Variants in CDC25A observed in about 807,000 individuals in gnomAD.
CDC25A encodes the protein cell division cycle 25A.
CDC25A carries 17 observed loss-of-function variants against 64.6 expected under a neutral mutation model. That is an observed-to-expected ratio of 0.26 (90% CI 0.18 to 0.39). CDC25A has a LOEUF of 0.39. Among genes scored for constraint, CDC25A ranks in the 10% least tolerant of loss-of-function variants. The probability of loss-of-function intolerance (pLI) is 1.00; values close to 1 mark genes in which losing one functional copy is unlikely to be tolerated. For missense variants in CDC25A, 473 were observed against 654.8 expected (o/e 0.72, Z 3.03); for synonymous variants, 229 against 238.6 (o/e 0.96, Z 0.37).
chr3:48,159,042 T>C lies in CDC25A; in HGVS notation c.1478A>G (p.Asp493Gly), dbSNP rs764271295. Residue 493 changes from aspartate (D) to glycine (G), a missense_variant, in exon 15 of 15, where the codon GAC becomes GGC. Around this residue, in one of 2 missense-constraint regions of CDC25A, gnomAD observed 97 missense variants for 223.0 expected, o/e 0.43. Coordinates refer to ENST00000302506, the MANE Select transcript of CDC25A (RefSeq NM_001789.3). ...GAACTTCTTCAGGTCTTCTTTAAAGTCCTCGTGGTGCATGGGCCGGTAGCT... is the reference window on the plus strand; with the variant it reads ...GAACTTCTTCAGGTCTTCTTTAAAGCCCTCGTGGTGCATGGGCCGGTAGCT... ...PPSYRPMHHE[D>G]FKEDLKKFRT... The C allele has an allele frequency of 6.2e-7, 1 of 1,613,894 alleles. No homozygotes were observed. The highest frequency in any genetic ancestry group is 8.5e-7 in the Non-Finnish European group (1 of 1,179,984).
At chr3:48,168,096 A>G (rs2032106603) in intron 9 of CDC25A, 152 bp from the exon 10 acceptor site, 2 of 543,640 alleles carry the variant, frequency 3.7e-6, no homozygotes, top group East Asian at 5.9e-5. Context: ...GGAGTGAACA[A>G]AAACAGATGT....
chr3:48,166,176 G>A (rs2032009322), intron 10 of CDC25A, among the ~76,000 whole-genome samples: 1 of 149,620 alleles, frequency 6.7e-6, no homozygotes, highest in Non-Finnish European at 1.5e-5. Flanking sequence ...CCAGCTACTC[G>A]GAAGGCTGGA....
At position 48,165,880 on chromosome 3, in the gene CDC25A, T is replaced by C; in HGVS notation, c.1043A>G (p.His348Arg). Residue 348 changes from histidine to arginine, a missense_variant, in exon 11 of 15, where the codon CAT becomes CGT. Transcript: ENST00000302506. Reference protein sequence around the residue: ...IGDFSKGYLFHTVAGKHQDLK... With the variant: ...IGDFSKGYLFRTVAGKHQDLK... ...ATCCTGATGTTTCCCAGCAACTGTA[T>C]GAAAGAGATAACCCTTAAAAAGAAA... 6.3e-7 allele frequency: 1 copy of C among 1,598,124 alleles called. No individual in the cohort carries two copies. Among genetic ancestry groups the C allele is most frequent in the African/African-American group, 1.3e-5 (1 of 74,736 alleles).
At chr3:48,169,850 A>C (rs1208266717) in intron 9 of CDC25A, among the ~76,000 whole-genome samples, 1 of 151,972 alleles carries the variant, frequency 6.6e-6, no homozygotes, top group East Asian at 1.9e-4. Flanking sequence ...TCTACTAAAA[A>C]TATAAAAAAT....
At chr3:48,172,282 A>G (rs1459156999) in intron 9 of CDC25A, among the ~76,000 whole-genome samples, 2 of 152,270 alleles carry the variant, frequency 1.3e-5, no homozygotes, top group African/African-American at 4.8e-5. Context: ...AAAGCATTAA[A>G]AACAAAAGCA....
intron 8 of CDC25A, among the ~76,000 whole-genome samples, chr3:48,177,010 T>C (rs929618595): frequency 2.6e-5 from 4 of 151,704 alleles, no homozygotes; most frequent in Admixed American, 2.6e-4. Flanking sequence ...AAAAAAATCC[T>C]GTGAGTTACT....
At chr3:48,178,946 G>A (rs1044318968) in intron 6 of CDC25A, among the ~76,000 whole-genome samples, 8 of 152,006 alleles carry the variant, frequency 5.3e-5, no homozygotes, top group African/African-American at 1.5e-4. Context: ...ACAGTAGCAG[G>A]GTAGTCCCAA....
chr3:48,181,497 T>TC (rs1243928442), intron 5 of CDC25A: 2 of 930,212 alleles, frequency 2.2e-6, no homozygotes, highest in Non-Finnish European at 3.5e-6. Context: ...GTGGCTGAGT[T>TC]CCCCGTTGCC....
At chr3:48,170,019 A>C (rs906964781) in intron 9 of CDC25A, among the ~76,000 whole-genome samples, 8 of 151,790 alleles carry the variant, frequency 5.3e-5, no homozygotes, top group African/African-American at 1.2e-4. Flanking sequence ...AAAAAAAAAA[A>C]CAAACAAAAA....
At chr3:48,166,036 G>A (rs747554332) in intron 10 of CDC25A, 143 bp from the exon 11 acceptor site, 100 of 649,144 alleles carry the variant, frequency 1.5e-4, no homozygotes, top group Non-Finnish European at 1.6e-4. Flanking sequence ...TGTAATCCCA[G>A]CACTTTGGGA....
At chr3:48,181,748 G>GTTCAC in intron 5 of CDC25A, 1 of 635,984 alleles carries the variant, frequency 1.6e-6, no homozygotes. Context: ...ATTATAGAAT[G>GTTCAC]TTCACATTTT....
In CDC25A at chr3:48,180,799, AC is replaced by A; in HGVS notation, c.470del (p.Arg157LeufsTer51). 1.9e-6 allele frequency: 3 copies of A among 1,614,130 alleles called. No homozygotes were observed. The highest frequency in any genetic ancestry group is 1.7e-6 in the Non-Finnish European group (2 of 1,179,960). The stretch of plus-strand genomic sequence containing the variant: ...GGAGTCCATGAGAGTGCAGGCAGCC[AC>A]GAGATACAGGTCTTACTGGCTTCTT... ...EFKKPVRPVS[R>X]GCLHSHGLQE... On this transcript the variant is annotated frameshift_variant, in exon 6 of 15. Transcript: ENST00000302506. LOFTEE classifies it high-confidence loss of function.
chr3:48,174,326 C>G lies in CDC25A; in HGVS notation c.888G>C (p.Gly296=). The G allele has an allele frequency of 6.2e-7, 1 of 1,614,204 alleles. No homozygotes were observed. The highest frequency in any genetic ancestry group is 8.5e-7 in the Non-Finnish European group (1 of 1,180,030). The change falls in exon 9 of 15, where the codon GGG becomes GGC. Residue 296 remains glycine, a synonymous_variant. Transcript: ENST00000302506. ...GATTAGTTGACTCTTTGGGGCTGGCCCCAGACATGCTCTTCCTCCTCTTTG... is the reference window on the plus strand; with the variant it reads ...GATTAGTTGACTCTTTGGGGCTGGCGCCAGACATGCTCTTCCTCCTCTTTG... The part of the protein sequence containing the change: ...GSTKRRKSMS[G]ASPKESTNPE...
At chr3:48,162,753 CAGG>C (rs1428121666) in intron 13 of CDC25A, among the ~76,000 whole-genome samples, 1 of 151,704 alleles carries the variant, frequency 6.6e-6, no homozygotes, top group Non-Finnish European at 1.5e-5. Flanking sequence ...GAGGCTGAGG[CAGG>C]AGAATGGCAT....
At position 48,164,436 on chromosome 3, in the gene CDC25A, C is replaced by G. The variant is rs1490552698; in HGVS notation, c.1193G>C (p.Gly398Ala). 1 of 1,566,214 alleles carries G rather than the reference C, an allele frequency of 6.4e-7. No individual in the cohort carries two copies. Among genetic ancestry groups the G allele is most frequent in the Non-Finnish European group, 8.6e-7 (1 of 1,160,996 alleles). Reference sequence around the variant, plus strand: ...TTCTTCCATGTGCAAGTTCACTGCACCCTGTGAAGACAACAGAGACCCTTG... The same window carrying G: ...TTCTTCCATGTGCAAGTTCACTGCAGCCTGTGAAGACAACAGAGACCCTTG... ...PYEYEGGHIK[G>A]AVNLHMEEEV... is the part of the protein sequence containing the mutation. The change falls in exon 13 of 15, where the codon GGT (glycine) becomes GCT (alanine). Residue 398 changes from glycine (G) to alanine (A), a missense_variant and splice_region_variant. Coordinates refer to ENST00000302506, the MANE Select transcript of CDC25A (RefSeq NM_001789.3).
Position 48,158,614 on chromosome 3 carries a change from C to A in CDC25A, c.*331G>T, listed in dbSNP as rs1292407399. 1 of 227,740 alleles carries A rather than the reference C, an allele frequency of 4.4e-6. No individual in the cohort carries two copies. Among genetic ancestry groups the A allele is most frequent in the African/African-American group, 2.2e-5 (1 of 44,554 alleles). The allele number at this position is 227,740 out of a possible 1,614,324, so 14.1% of individuals were successfully genotyped here. On this transcript the variant is annotated 3_prime_UTR_variant, in exon 15 of 15. Coordinates refer to ENST00000302506, the MANE Select transcript of CDC25A (RefSeq NM_001789.3). ...TAACTTCTCTACTCCCCTCCGTCTC[C>A]TCTCCCCTCATGAGATGGCTGGAGC...
chr3:48,187,274 A>G (rs780399427), intron 1 of CDC25A, among the ~76,000 whole-genome samples: 1 of 152,220 alleles, frequency 6.6e-6, no homozygotes, highest in African/African-American at 2.4e-5. Context: ...GGCCTTAGGA[A>G]AGCAGCAGAG....
rs2031540737 is a variant in CDC25A, at chr3:48,157,176, G to C, written c.*1769C>G. ...AAATCCATCAAGAACTAGGCAGAGA[G>C]CATGGGTTCAAGATCTTTTATTTTC... On this transcript the variant is annotated 3_prime_UTR_variant, in exon 15 of 15. Coordinates refer to ENST00000302506, the MANE Select transcript of CDC25A (RefSeq NM_001789.3). 6.6e-6 allele frequency: 1 copy of C among 152,170 alleles called. No individual in the cohort carries two copies. The highest frequency in any genetic ancestry group is 2.4e-5 in the African/African-American group (1 of 41,450). The allele number at this position is 152,170 out of a possible 1,614,324, so 9.4% of individuals were successfully genotyped here. A position where few individuals can be genotyped will look rare whatever the true frequency, so the allele number is the denominator to read the frequency against.
chr3:48,184,680 G>T lies in CDC25A; in HGVS notation c.263C>A (p.Ser88Tyr). The change falls in exon 3 of 15, where the codon TCT (serine) becomes TAT (tyrosine). Residue 88 changes from serine (S) to tyrosine (Y), a missense_variant. Physicochemically the swap from Ser to Tyr is moderately radical, Grantham distance 144. Coordinates refer to ENST00000302506, the MANE Select transcript of CDC25A (RefSeq NM_001789.3). ...TTCTTTACTGTCCAATGGCCCAGGA[G>T]AATCTAGACAGAAACCTATGGGGAA... is the stretch of plus-strand genomic sequence containing the variant. ...ESTDSGFCLD[S>Y]PGPLDSKENL... The T allele has an allele frequency of 1.3e-6, 2 of 1,588,862 alleles. No individual in the cohort carries two copies. Among genetic ancestry groups the T allele is most frequent in the Non-Finnish European group, 1.7e-6 (2 of 1,170,392 alleles).
Sources: gnomAD v4.1 joint callset for allele counts (sites outside exome capture counted in the v4.1 genomes callset) on GRCh38, gnomAD v4.1.1 for gene constraint, gnomAD v4.1.1 regional missense constraint, MANE v1.5 for transcripts, NCBI Gene and HGNC (gene_info 2026-07-23, HGNC 2026-07-21) for gene names.